Variants in FLI1 observed in about 807,000 individuals in gnomAD.
The protein encoded by FLI1 is Friend leukemia integration 1 transcription factor.
FLI1 carries 13 observed loss-of-function variants against 53.1 expected under a neutral mutation model. That is an observed-to-expected ratio of 0.24 (90% CI 0.16 to 0.39). FLI1 has a LOEUF of 0.39. FLI1 is among the 10% of genes least tolerant of loss of function. The pLI is 1.00. For missense variants in FLI1, 424 were observed against 600.5 expected (o/e 0.71, Z 3.07); for synonymous variants, 244 against 236.7 (o/e 1.03, Z -0.28).
At chr11:128,727,757 G>C (rs968787925) in intron 1 of FLI1, among the ~76,000 whole-genome samples, 1 of 152,114 alleles carries the variant, frequency 6.6e-6, no homozygotes, top group Non-Finnish European at 1.5e-5. Context: ...GAAGAGATGC[G>C]TGCAACTGGC....
At chr11:128,750,638 T>C (rs934911850) in intron 1 of FLI1, among the ~76,000 whole-genome samples, 3 of 152,220 alleles carry the variant, frequency 2.0e-5, no homozygotes, top group Non-Finnish European at 4.4e-5. Flanking sequence ...TTAGCTAGAC[T>C]GTTTGAAGAT....
Position 128,694,152 on chromosome 11 carries a change from A to C in FLI1, c.-107A>C. The stretch of plus-strand genomic sequence containing the variant: ...CGCAGGGGGCACGCAGGGAGGGCCC[A>C]GGGCGCCAGGGAGGCCGCGCCGGGC... On this transcript the variant is annotated 5_prime_UTR_variant, in exon 1 of 9. Coordinates refer to ENST00000527786, the MANE Select transcript of FLI1 (RefSeq NM_002017.5). 1 of 1,267,558 alleles carries C rather than the reference A, an allele frequency of 7.9e-7. No individual in the cohort carries two copies. The highest frequency in any genetic ancestry group is 1.1e-6 in the Non-Finnish European group (1 of 942,248). 78.5% of individuals were successfully genotyped at this position (1,267,558 alleles called of 1,614,324 possible). A position where few individuals can be genotyped will look rare whatever the true frequency, so the allele number is the denominator to read the frequency against.
chr11:128,791,500 G>A (rs573770886), intron 5 of FLI1, among the ~76,000 whole-genome samples: 1 of 152,278 alleles, frequency 6.6e-6, no homozygotes, highest in African/African-American at 2.4e-5. Context: ...ATAGATTCTA[G>A]CCCAGCAGTC....
intron 1 of FLI1, among the ~76,000 whole-genome samples, chr11:128,751,852 A>T (rs1418777740): frequency 6.7e-6 from 1 of 149,274 alleles, no homozygotes; most frequent in African/African-American, 2.5e-5. Context: ...TTGTAGAGAA[A>T]GAGTTATGCC....
intron 3 of FLI1, 126 bp from the exon 4 acceptor site, chr11:128,772,656 A>G (rs1360121226): frequency 6.5e-6 from 5 of 764,416 alleles, no homozygotes; most frequent in Non-Finnish European, 1.1e-5. Context: ...ACCATGTGGA[A>G]GGGAGCTCTC....
chr11:128,781,221 T>C (rs1173801116), intron 4 of FLI1, among the ~76,000 whole-genome samples: 1 of 152,196 alleles, frequency 6.6e-6, no homozygotes, highest in Non-Finnish European at 1.5e-5. Flanking sequence ...ATTGGAATAC[T>C]ACCACTCACC....
upstream of FLI1, among the ~76,000 whole-genome samples, chr11:128,685,548 G>A (rs1400754225): frequency 6.7e-6 from 1 of 149,428 alleles, no homozygotes; most frequent in Non-Finnish European, 1.5e-5. Context: ...ATTACACTTC[G>A]ACTTTCAAAA....
At chr11:128,721,641 T>C (rs1939257345) in intron 1 of FLI1, among the ~76,000 whole-genome samples, 1 of 152,178 alleles carries the variant, frequency 6.6e-6, no homozygotes, top group Admixed American at 6.5e-5. Context: ...CAGACCCTTG[T>C]GGTCAGGGAG....
chr11:128,766,057 TTGTGCACATGTGTTCTGTGTTGGAGTGTG>T (rs1317334297), intron 2 of FLI1, among the ~76,000 whole-genome samples: 7 of 152,054 alleles, frequency 4.6e-5, no homozygotes, highest in Admixed American at 4.6e-4. Flanking sequence ...GGGTAAAGTA[TTGTGCACATGTGTTCTGTGTTGGAGTGTG>T]TGTGCACATG....
At chr11:128,774,700 C>T (rs547690282) in intron 4 of FLI1, among the ~76,000 whole-genome samples, 293 of 152,300 alleles carry the variant, frequency 1.9e-3, no homozygotes, top group Middle Eastern at 3.4e-3. Flanking sequence ...GACTCTTCGG[C>T]GGATGCCCTT....
chr11:128,759,085 G>T (rs1217677277), intron 2 of FLI1, among the ~76,000 whole-genome samples: 1 of 152,242 alleles, frequency 6.6e-6, no homozygotes, highest in Admixed American at 6.5e-5. Flanking sequence ...ATGCCTCAGG[G>T]AAAGGACCTG....
chr11:128,685,157 G>A (rs1435305548), upstream of FLI1, among the ~76,000 whole-genome samples: 2 of 152,346 alleles, frequency 1.3e-5, no homozygotes, highest in East Asian at 1.9e-4. Flanking sequence ...CCTGCACAGC[G>A]GCTCCTGCAG....
upstream of FLI1, among the ~76,000 whole-genome samples, chr11:128,685,201 T>C (rs1190768887): frequency 6.6e-6 from 1 of 152,202 alleles, no homozygotes; most frequent in Non-Finnish European, 1.5e-5. Flanking sequence ...AGGCTGCTTG[T>C]GGGCAGGCCC....
upstream of FLI1, among the ~76,000 whole-genome samples, chr11:128,685,145 C>T (rs985029464): frequency 6.6e-6 from 1 of 152,232 alleles, no homozygotes; most frequent in Non-Finnish European, 1.5e-5. Context: ...GCACGCATAG[C>T]TCCTGCACAG....
intron 1 of FLI1, among the ~76,000 whole-genome samples, chr11:128,697,801 T>G (rs908852239): frequency 6.6e-5 from 10 of 152,212 alleles, no homozygotes; most frequent in Admixed American, 6.5e-4. Flanking sequence ...GTTGCAAGGC[T>G]CTGCACTGTG....
At chr11:128,740,475 C>T (rs1278118356) in intron 1 of FLI1, among the ~76,000 whole-genome samples, 1 of 152,240 alleles carries the variant, frequency 6.6e-6, no homozygotes, top group African/African-American at 2.4e-5. Flanking sequence ...CTTGTTTCTC[C>T]TAGGCTGGCC....
intron 1 of FLI1, among the ~76,000 whole-genome samples, chr11:128,744,476 G>C (rs937811846): frequency 2.0e-5 from 3 of 152,222 alleles, no homozygotes; most frequent in African/African-American, 7.2e-5. Context: ...GCATGAGTTA[G>C]AACACTATTA....
intron 7 of FLI1, among the ~76,000 whole-genome samples, chr11:128,808,742 G>T (rs1942857948): frequency 1.3e-5 from 2 of 151,786 alleles, no homozygotes. Flanking sequence ...AAAAAAAACA[G>T]ATTAATAATG....
chr11:128,786,478 T>C (rs933229429), intron 5 of FLI1, among the ~76,000 whole-genome samples: 1 of 152,206 alleles, frequency 6.6e-6, no homozygotes, highest in Non-Finnish European at 1.5e-5. Flanking sequence ...TTCAGTCCTC[T>C]AAAAAGTAGA....
Sources: allele counts gnomAD v4.1 joint callset (sites outside exome capture counted in the v4.1 genomes callset), GRCh38; gene constraint gnomAD v4.1.1; transcripts MANE v1.5; gene names NCBI Gene and HGNC (gene_info 2026-07-23, HGNC 2026-07-21).